CDH15: variants seen among roughly 807,000 people sequenced by gnomAD.
CDH15 encodes the protein cadherin-15.
CDH15 carries 73 observed loss-of-function variants against 69.4 expected under a neutral mutation model. The observed-to-expected ratio is 1.05, with a 90% CI of 0.87 to 1.28. The LOEUF is 1.28. Ranked by LOEUF, CDH15 falls within the 50% of genes most tolerant of loss-of-function variation. The pLI, the probability that CDH15 is intolerant of heterozygous loss-of-function variation, is 0.00. For missense variants in CDH15, 1,343 were observed against 1,133.6 expected (o/e 1.18, Z -2.65); for synonymous variants, 624 against 507.7 (o/e 1.23, Z -3.08).
Position 89,193,928 on chromosome 16 carries a change from G to T in CDH15, c.2151+15G>T. On this transcript the variant is annotated intron_variant, in intron 13 of 13. Coordinates refer to ENST00000289746, the MANE Select transcript of CDH15 (RefSeq NM_004933.3). ...TCATCAATGATGTAGGTGCTCCTGGGGACACCCCAGTACACACAGGCACGC... is the reference window on the plus strand; with the variant it reads ...TCATCAATGATGTAGGTGCTCCTGGTGACACCCCAGTACACACAGGCACGC... 6.2e-7 allele frequency: 1 copy of T among 1,611,122 alleles called. No homozygotes were observed. Among genetic ancestry groups the T allele is most frequent in the Non-Finnish European group, 8.5e-7 (1 of 1,179,450 alleles).
At chr16:89,180,122 A>C (rs2151599182) in intron 2 of CDH15, 78 bp from the exon 3 acceptor site, 1 of 1,504,380 alleles carries the variant, frequency 6.6e-7, no homozygotes, top group East Asian at 2.4e-5. Flanking sequence ...TCAGCTGGGG[A>C]GGGGCCTGAG....
chr16:89,192,340 A>C lies in CDH15; in HGVS notation c.1751A>C (p.Lys584Thr). 2 of 1,535,872 alleles carry C rather than the reference A, an allele frequency of 1.3e-6. No individual in the cohort carries two copies. Among genetic ancestry groups the C allele is most frequent in the Non-Finnish European group, 1.7e-6 (2 of 1,147,348 alleles). Residue 584 changes from lysine to threonine, a missense_variant, in exon 11 of 14, where the codon AAG (lysine) becomes ACG (threonine). Transcript: ENST00000289746. ...PLNVTVCRCG[K>T]DGVCLPGAAA... ...AACGTGACCGTGTGCCGCTGCGGCAAGGACGGCGTCTGCCTGCCGGGGGCC... is the reference window on the plus strand; with the variant it reads ...AACGTGACCGTGTGCCGCTGCGGCACGGACGGCGTCTGCCTGCCGGGGGCC...
chr16:89,192,231 C>T lies in CDH15; in HGVS notation c.1642C>T (p.His548Tyr). Residue 548 changes from histidine to tyrosine, a missense_variant, in exon 11 of 14, where the codon CAC (histidine) becomes TAC (tyrosine). His to Tyr is a moderately conservative substitution (Grantham distance 83). Coordinates refer to ENST00000289746, the MANE Select transcript of CDH15 (RefSeq NM_004933.3). ...NVSHARLRPRHQVPEGLHRLS... is the reference protein window; with the variant it reads ...NVSHARLRPRYQVPEGLHRLS... ...GAGCCACGCGCGCCTGCGGCCGCGA[C>T]ACCAGGTCCCCGAAGGCCTGCACCG... 1 of 1,529,602 alleles carries T rather than the reference C, an allele frequency of 6.5e-7. No individual in the cohort carries two copies. The highest frequency in any genetic ancestry group is 8.7e-7 in the Non-Finnish European group (1 of 1,144,740). 94.8% of individuals were successfully genotyped at this position (1,529,602 alleles called of 1,614,324 possible).
intron 3 of CDH15, among the ~76,000 whole-genome samples, chr16:89,181,382 C>T (rs767782716): frequency 1.2e-4 from 19 of 152,066 alleles, no homozygotes; most frequent in Admixed American, 2.6e-4. Context: ...GAGGCTGAGG[C>T]AGGAGGATCG....
intron 1 of CDH15, among the ~76,000 whole-genome samples, chr16:89,176,379 C>T (rs117217569): frequency 0.029 from 4,428 of 152,114 alleles, 96 homozygotes; most frequent in Non-Finnish European, 0.043. Context: ...TGTGGTTTTG[C>T]AGGGGGAGGG....
In CDH15 at chr16:89,171,888, C is replaced by T; in HGVS notation, c.42+15C>T. On this transcript the variant is annotated intron_variant, in intron 1 of 13. Transcript: ENST00000289746. Reference sequence around the variant, plus strand: ...TGTTGGCCCAGGTAAGGCATCGGCACCTGCGGGGGTCCCCGCTGCCTCCCT... The same window carrying T: ...TGTTGGCCCAGGTAAGGCATCGGCATCTGCGGGGGTCCCCGCTGCCTCCCT... 1.9e-6 allele frequency: 3 copies of T among 1,551,610 alleles called. No homozygotes were observed. The highest frequency in any genetic ancestry group is 1.7e-4 in the Middle Eastern group (1 of 5,986).
In CDH15 at chr16:89,193,124, A is replaced by C. The variant is rs985569193; in HGVS notation, c.1856-346A>C. Among the ~76,000 whole-genome samples the C allele has an allele frequency of 2.3e-4, 18 of 76,904 alleles. 1 individual carries two copies. The highest frequency in any genetic ancestry group is 3.7e-4 in the East Asian group (1 of 2,706). The allele number at this position is 76,904 out of a possible 152,430, so 50.5% of individuals were successfully genotyped here. On this transcript the variant is annotated intron_variant, in intron 11 of 13. Coordinates refer to ENST00000289746, the MANE Select transcript of CDH15 (RefSeq NM_004933.3). Reference sequence around the variant, plus strand: ...CTTCTCCACTGCCGCCTCCTCCCCAACACCACCCACTCATTACCAGCCACG... The same window carrying C: ...CTTCTCCACTGCCGCCTCCTCCCCACCACCACCCACTCATTACCAGCCACG...
intron 5 of CDH15, among the ~76,000 whole-genome samples, chr16:89,186,612 G>A (rs541914092): frequency 9.0e-4 from 108 of 119,460 alleles, no homozygotes; most frequent in Admixed American, 1.2e-3. Context: ...CTCACCCAGC[G>A]CACAGTAGGT....
At chr16:89,194,794 T>C in intron 13 of CDH15, 68 bp from the exon 14 acceptor site, 1 of 1,490,420 alleles carries the variant, frequency 6.7e-7, no homozygotes, top group African/African-American at 1.4e-5. Flanking sequence ...TGCCCTGGGC[T>C]GTGGCCACGG....
chr16:89,191,925 AT>A (rs1915655513), intron 10 of CDH15, 31 bp downstream of exon 10: 1 of 1,415,058 alleles, frequency 7.1e-7, no homozygotes, highest in African/African-American at 1.4e-5. Flanking sequence ...CGCTCCCCCC[AT>A]CCCCACGCTC....
chr16:89,178,269 G>A (rs766538969), intron 1 of CDH15, among the ~76,000 whole-genome samples: 2 of 152,122 alleles, frequency 1.3e-5, no homozygotes, highest in Non-Finnish European at 2.9e-5. Flanking sequence ...CGGCCCTGGA[G>A]TAGGGTGGGG....
chr16:89,192,021 G>A (rs1274594064), intron 10 of CDH15, 127 bp downstream of exon 10: 1 of 689,138 alleles, frequency 1.5e-6, no homozygotes, highest in Non-Finnish European at 2.2e-6. Flanking sequence ...GTCCCCTCCC[G>A]CCACCCCCCC....
intron 13 of CDH15, 76 bp from the exon 14 acceptor site, chr16:89,194,786 C>T: frequency 6.8e-7 from 1 of 1,459,890 alleles, no homozygotes; most frequent in Non-Finnish European, 9.3e-7. Flanking sequence ...GCTGACTTTG[C>T]CCTGGGCTGT....
At chr16:89,175,278 C>T (rs976289016) in intron 1 of CDH15, among the ~76,000 whole-genome samples, 8 of 152,194 alleles carry the variant, frequency 5.3e-5, no homozygotes, top group African/African-American at 9.7e-5. Flanking sequence ...GGGATGGAAA[C>T]GTCTGCCCGG....
At chr16:89,184,640 C>G (rs1915443155) in intron 4 of CDH15, among the ~76,000 whole-genome samples, 1 of 151,934 alleles carries the variant, frequency 6.6e-6, no homozygotes, top group Non-Finnish European at 1.5e-5. Flanking sequence ...CTGTCTTATC[C>G]TGTCCGTGCG....
intron 7 of CDH15, 144 bp from the exon 8 acceptor site, chr16:89,190,099 A>G (rs1351957875): frequency 2.6e-5 from 22 of 860,618 alleles, no homozygotes; most frequent in Non-Finnish European, 3.7e-5. Context: ...TGTCCTGCAT[A>G]ATTTGTTTTT....
At chr16:89,178,405 C>T (rs767082557) in intron 1 of CDH15, among the ~76,000 whole-genome samples, 1 of 152,136 alleles carries the variant, frequency 6.6e-6, no homozygotes, top group Non-Finnish European at 1.5e-5. Context: ...GATGGGCACA[C>T]CAGGGTCCCA....
chr16:89,183,670 C>T lies in CDH15; in HGVS notation c.480C>T (p.Arg160=), dbSNP rs778837215. The T allele has an allele frequency of 1.4e-5, 22 of 1,608,638 alleles. No homozygotes were observed. The highest frequency in any genetic ancestry group is 1.7e-4 in the Middle Eastern group (1 of 6,058). Residue 160 remains arginine, a synonymous_variant, in exon 4 of 14, where the codon CGC becomes CGT. Transcript: ENST00000289746. ...PAFLQEAFTG[R]VLEGAVPGTY... ...TCCTGCAGGAGGCGTTCACTGGCCG[C>T]GTGCTGGAGGGTGCAGTCCCAGGTG...
In CDH15 at chr16:89,185,291, C is replaced by T. The variant is rs146325851; in HGVS notation, c.621C>T (p.Leu207=). 5 of 1,606,324 alleles carry T rather than the reference C, an allele frequency of 3.1e-6. No homozygotes were observed. The highest frequency in any genetic ancestry group is 4.2e-6 in the Non-Finnish European group (5 of 1,176,784). The part of the protein sequence containing the change: ...GSPELFSIDE[L]TGEIRTVQVG... ...CCGAGCTCTTCAGCATCGACGAGCT[C>T]ACAGGAGAGATCCGCACAGTGCAAG... Residue 207 remains leucine (L), a synonymous_variant, in exon 5 of 14, where the codon CTC becomes CTT. Coordinates refer to ENST00000289746, the MANE Select transcript of CDH15 (RefSeq NM_004933.3).
Sources: allele counts gnomAD v4.1 joint callset (sites outside exome capture counted in the v4.1 genomes callset), GRCh38; gene constraint gnomAD v4.1.1; transcripts MANE v1.5; gene names NCBI Gene and HGNC (gene_info 2026-07-23, HGNC 2026-07-21).